CUL9: variants seen among roughly 807,000 people sequenced by gnomAD.
CUL9 encodes the protein cullin 9.
Under a neutral mutation model 272.6 loss-of-function variants are expected in CUL9, and 79 were observed. The ratio of observed to expected loss-of-function variants is 0.29; its 90% confidence interval spans 0.24 to 0.35. The LOEUF is 0.35. Ranked by LOEUF, CUL9 falls within the 10% of genes least tolerant of loss-of-function variation. CUL9 has a pLI of 1.00. For missense variants in CUL9, 2,532 were observed against 3,255.6 expected (o/e 0.78, Z 5.41); for synonymous variants, 1,186 against 1,286.5 (o/e 0.92, Z 1.67).
At position 43,200,854 on chromosome 6, in the gene CUL9, A is replaced by C; in HGVS notation, c.3647+20A>C. 1.2e-6 allele frequency: 2 copies of C among 1,613,382 alleles called. No homozygotes were observed. Among genetic ancestry groups the C allele is most frequent in the Non-Finnish European group, 1.7e-6 (2 of 1,179,316 alleles). On this transcript the variant is annotated intron_variant, in intron 16 of 40. Coordinates refer to ENST00000252050, the MANE Select transcript of CUL9 (RefSeq NM_015089.4). The surrounding 1 kb of genome is among the most constrained non-coding windows in gnomAD (Gnocchi z 4.0). The stretch of plus-strand genomic sequence containing the variant: ...TGTTAGGTGTGAACACACATATATG[A>C]ATGTTCTGCTGTGCCCCAGGATACT...
At position 43,184,295 on chromosome 6, in the gene CUL9, A is replaced by G; in HGVS notation, c.-9-7A>G. The G allele has an allele frequency of 6.9e-7, 1 of 1,454,198 alleles. No homozygotes were observed. The highest frequency in any genetic ancestry group is 9.1e-7 in the Non-Finnish European group (1 of 1,097,818). The allele number at this position is 1,454,198 out of a possible 1,614,324, so 90.1% of individuals were successfully genotyped here. ...TACTGCCTTATCTTTCTCCTTGTGT[A>G]TCCCAGGAGGTCAGGATGGTGGGGG... On this transcript the variant is annotated splice_polypyrimidine_tract_variant and splice_region_variant and intron_variant, in intron 1 of 40. Transcript: ENST00000252050. This position sits in a 1 kb window ranked among gnomAD's most constrained non-coding sequence, Gnocchi z 4.8.
chr6:43,215,389 C>A, intron 30 of CUL9, 63 bp downstream of exon 30: 2 of 1,522,906 alleles, frequency 1.3e-6, no homozygotes, highest in South Asian at 1.3e-5. Flanking sequence ...AAGCCAAGAT[C>A]CCTTGTGGAG....
In CUL9 at chr6:43,184,971, G is replaced by A. The variant is rs557353517; in HGVS notation, c.595+66G>A. 4.0e-6 allele frequency: 5 copies of A among 1,256,540 alleles called. No individual in the cohort carries two copies. The highest frequency in any genetic ancestry group is 5.5e-6 in the Non-Finnish European group (5 of 916,894). The allele number at this position is 1,256,540 out of a possible 1,614,324, so 77.8% of individuals were successfully genotyped here. On this transcript the variant is annotated intron_variant, in intron 2 of 40. Transcript: ENST00000252050. This position sits in a 1 kb window ranked among gnomAD's most constrained non-coding sequence, Gnocchi z 4.8. The stretch of plus-strand genomic sequence containing the variant: ...TGGGGCCACAGGGAATAAGAAAGAG[G>A]AGAGATTTCCTAGCTCTGTAAGAAC...
At chr6:43,210,592 T>A (rs905851248) in intron 26 of CUL9, among the ~76,000 whole-genome samples, 2 of 152,254 alleles carry the variant, frequency 1.3e-5, no homozygotes, top group African/African-American at 4.8e-5. Context: ...CCCCTGGGAT[T>A]GTTTTGCTTT....
intron 16 of CUL9, among the ~76,000 whole-genome samples, chr6:43,201,183 T>C (rs1231026965): frequency 1.3e-5 from 2 of 152,190 alleles, no homozygotes; most frequent in Non-Finnish European, 1.5e-5. Flanking sequence ...CAATAAGATA[T>C]GGTACCTACA....
Position 43,193,196 on chromosome 6 carries a change from G to A in CUL9, c.2376G>A (p.Gln792=). Residue 792 remains glutamine (Q), a synonymous_variant, in exon 9 of 41, where the codon CAG becomes CAA. Transcript: ENST00000252050. ...ATAAGACTTCTGTCTTGGTGCAGCA[G>A]GCTGGGCTGGCGGTGAGTACATTGG... ...QEYKTSVLVQ[Q]AGLAALKMLA... The A allele has an allele frequency of 6.2e-7, 1 of 1,614,098 alleles. No individual in the cohort carries two copies. The highest frequency in any genetic ancestry group is 1.1e-5 in the South Asian group (1 of 91,076).
chr6:43,193,127 C>T lies in CUL9; in HGVS notation c.2307C>T (p.Ala769=). 2 of 1,614,180 alleles carry T rather than the reference C, an allele frequency of 1.2e-6. No individual in the cohort carries two copies. The highest frequency in any genetic ancestry group is 1.3e-5 in the African/African-American group (1 of 75,046). Residue 769 remains alanine (A), a synonymous_variant, in exon 9 of 41, where the codon GCC becomes GCT. Transcript: ENST00000252050. The part of the protein sequence containing the change: ...MTKHEWRPLF[A]REGGIYAVLV... ...AGCACGAGTGGCGGCCGCTCTTTGC[C>T]AGGGAGGGTGGCATCTATGCTGTGC...
Position 43,186,974 on chromosome 6 carries a change from G to A in CUL9, c.1266G>A (p.Ser422=), listed in dbSNP as rs767726918. Reference sequence around the variant, plus strand: ...CCTCATACCAGGTTTTCTGGCAGTCGACAGGCCGCACTTACTGGGTGCACT... The same window carrying A: ...CCTCATACCAGGTTTTCTGGCAGTCAACAGGCCGCACTTACTGGGTGCACT... ...GIPPVQVFWQ[S]TGRTYWVHWH... Residue 422 remains serine (S), a synonymous_variant, in exon 5 of 41, where the codon TCG becomes TCA. Transcript: ENST00000252050. 2.4e-5 allele frequency: 39 copies of A among 1,613,966 alleles called. No homozygotes were observed. The South Asian group carries it at 3.3e-4, about 14-fold the overall frequency.
At position 43,222,888 on chromosome 6, in the gene CUL9, T is replaced by A. The variant is rs745535698; in HGVS notation, c.7142T>A (p.Ile2381Asn). The part of the protein sequence containing the change: ...NLELHTNALQ[I>N]LLEETLLRCR... ...GAGCTGCACACCAATGCCCTGCAGA[T>A]CCTCCTGGGTGAGCCACCCCTGCCA... The change falls in exon 38 of 41, where the codon ATC (isoleucine) becomes AAC (asparagine). Residue 2381 changes from isoleucine to asparagine, a missense_variant. Around this residue, in one of 3 missense-constraint regions of CUL9, gnomAD observed 237 missense variants for 305.9 expected, o/e 0.77. Transcript: ENST00000252050. 6.2e-7 allele frequency: 1 copy of A among 1,613,316 alleles called. No individual in the cohort carries two copies. Among genetic ancestry groups the A allele is most frequent in the Non-Finnish European group, 8.5e-7 (1 of 1,179,664 alleles).
intron 9 of CUL9, 136 bp from the exon 10 acceptor site, chr6:43,195,933 T>A (rs757701851): frequency 1.6e-6 from 1 of 634,274 alleles, no homozygotes; most frequent in Non-Finnish European, 2.8e-6. Context: ...CATCACTACC[T>A]CTTCCATTTC....
chr6:43,183,880 G>A (rs527288927), intron 1 of CUL9, among the ~76,000 whole-genome samples: 37 of 152,096 alleles, frequency 2.4e-4, no homozygotes, highest in Non-Finnish European at 2.9e-4. Flanking sequence ...AGCCTCCTGA[G>A]TAGCTGGGAC....
In CUL9 at chr6:43,213,291, A is replaced by C. The variant is rs773236624; in HGVS notation, c.5355A>C (p.Thr1785=). 1.9e-6 allele frequency: 3 copies of C among 1,613,742 alleles called. No individual in the cohort carries two copies. Among genetic ancestry groups the C allele is most frequent in the Non-Finnish European group, 2.5e-6 (3 of 1,179,970 alleles). Reference sequence around the variant, plus strand: ...GGCTGCTGCTGAAATTCAATCAGACAGAGGTGCTTCAGCCCTTAGCCTCTC... The same window carrying C: ...GGCTGCTGCTGAAATTCAATCAGACCGAGGTGCTTCAGCCCTTAGCCTCTC... The part of the protein sequence containing the change: ...QMWLLLKFNQ[T]EEVSVETLLK... The change falls in exon 27 of 41, where the codon ACA becomes ACC. Residue 1785 remains threonine, a synonymous_variant. Coordinates refer to ENST00000252050, the MANE Select transcript of CUL9 (RefSeq NM_015089.4). This position sits in a 1 kb window ranked among gnomAD's most constrained non-coding sequence, Gnocchi z 5.7.
At position 43,203,740 on chromosome 6, in the gene CUL9, GGAAAAGTT is replaced by G. The variant is rs1451703289; in HGVS notation, c.4026-112_4026-105del. On this transcript the variant is annotated intron_variant, in intron 19 of 40. Transcript: ENST00000252050. This position sits in a 1 kb window ranked among gnomAD's most constrained non-coding sequence, Gnocchi z 5.0. Reference sequence around the variant, plus strand: ...GTAGGTGAGAAGTTTGTGTTAATTGGGAAAAGTTGGGTCAGGGACCGAACAGGGGTGAT... The same window carrying G: ...GTAGGTGAGAAGTTTGTGTTAATTGGGGGTCAGGGACCGAACAGGGGTGAT... 4 of 1,516,752 alleles carry G rather than the reference GGAAAAGTT, an allele frequency of 2.6e-6. No homozygotes were observed. The African/African-American group carries it at 5.5e-5, about 21-fold the overall frequency. The allele number at this position is 1,516,752 out of a possible 1,614,324, so 94.0% of individuals were successfully genotyped here.
chr6:43,224,234 TG>T lies in CUL9; in HGVS notation c.7359-14del, dbSNP rs772283459. 6.2e-7 allele frequency: 1 copy of T among 1,614,072 alleles called. No homozygotes were observed. The highest frequency in any genetic ancestry group is 1.1e-5 in the South Asian group (1 of 91,080). On this transcript the variant is annotated splice_polypyrimidine_tract_variant and intron_variant, in intron 40 of 40. Transcript: ENST00000252050. This position sits in a 1 kb window ranked among gnomAD's most constrained non-coding sequence, Gnocchi z 4.2. ...ATGGCAGCCTCCTCTGGGCTGAGTG[TG>T]GTGGCTCTCCCTAGGCCCCAGGCCT...
At position 43,222,916 on chromosome 6, in the gene CUL9, C is replaced by T; in HGVS notation, c.7150+20C>T. 1 of 1,602,900 alleles carries T rather than the reference C, an allele frequency of 6.2e-7. No individual in the cohort carries two copies. Among genetic ancestry groups the T allele is most frequent in the East Asian group, 2.2e-5 (1 of 44,816 alleles). On this transcript the variant is annotated intron_variant, in intron 38 of 40. Transcript: ENST00000252050. Reference sequence around the variant, plus strand: ...TCCTGGGTGAGCCACCCCTGCCAGCCAGGCCCTCCTCCTGCCTCCTCCCCT... The same window carrying T: ...TCCTGGGTGAGCCACCCCTGCCAGCTAGGCCCTCCTCCTGCCTCCTCCCCT...
chr6:43,193,280 G>A (rs2150547046), intron 9 of CUL9, 72 bp downstream of exon 9: 1 of 1,397,038 alleles, frequency 7.2e-7, no homozygotes, highest in Non-Finnish European at 1.0e-6. Flanking sequence ...GATCTTGAGG[G>A]GGTACTTTGG....
chr6:43,221,973 C>T lies in CUL9; in HGVS notation c.6846+195C>T, dbSNP rs1204686225. ...GTCTGTTCACAGGGACCTTCAGCTC[C>T]AGAACAGGACTTCTCATACCGAGGT... On this transcript the variant is annotated intron_variant, in intron 35 of 40. Transcript: ENST00000252050. The surrounding 1 kb of genome is among the most constrained non-coding windows in gnomAD (Gnocchi z 4.2). The T allele has an allele frequency of 1.7e-6, 1 of 603,162 alleles. No homozygotes were observed. Among genetic ancestry groups the T allele is most frequent in the African/African-American group, 1.9e-5 (1 of 53,922 alleles). 37.4% of individuals were successfully genotyped at this position (603,162 alleles called of 1,614,324 possible).
chr6:43,199,393 G>A lies in CUL9; in HGVS notation c.3156+22G>A. 6.3e-7 allele frequency: 1 copy of A among 1,581,692 alleles called. No individual in the cohort carries two copies. ...CGAGGTACCAGAACCCTGGCAAGGA[G>A]AAGAGAGGGAAGGGCAGCATCTGGG... On this transcript the variant is annotated intron_variant, in intron 13 of 40. Coordinates refer to ENST00000252050, the MANE Select transcript of CUL9 (RefSeq NM_015089.4). The surrounding 1 kb of genome is among the most constrained non-coding windows in gnomAD (Gnocchi z 4.4).
Position 43,187,758 on chromosome 6 carries a change from A to G in CUL9, c.1627A>G (p.Met543Val). The G allele has an allele frequency of 6.2e-7, 1 of 1,613,432 alleles. No individual in the cohort carries two copies. ...AGGTGAGATCTCTGTGTCCGTGGAA[A>G]TGGCCGAGAGTCTGCTGCAGGTTCT... ...ALGEISVSVE[M>V]AESLLQVLSS... Residue 543 changes from methionine (M) to valine (V), a missense_variant, in exon 7 of 41, where the codon ATG (methionine) becomes GTG (valine). Around this residue, in one of 3 missense-constraint regions of CUL9, gnomAD observed 2,218 missense variants for 2,788.6 expected, o/e 0.80. Coordinates refer to ENST00000252050, the MANE Select transcript of CUL9 (RefSeq NM_015089.4).
Sources: gnomAD v4.1 joint callset for allele counts (sites outside exome capture counted in the v4.1 genomes callset) on GRCh38, gnomAD v4.1.1 for gene constraint, gnomAD v4.1.1 regional missense constraint, Gnocchi (gnomAD v3.1) non-coding constraint, MANE v1.5 for transcripts, NCBI Gene and HGNC (gene_info 2026-07-23, HGNC 2026-07-21) for gene names.